Variants in CD164 observed in about 807,000 individuals in gnomAD.
CD164 encodes sialomucin core protein 24.
Under a neutral mutation model 24.6 loss-of-function variants are expected in CD164, and 11 were observed. The ratio of observed to expected loss-of-function variants is 0.45; its 90% CI spans 0.28 to 0.74. The LOEUF (loss-of-function observed/expected upper bound fraction) is 0.74. Ranked by LOEUF, CD164 falls within the 30% of genes least tolerant of loss-of-function variation. The probability of loss-of-function intolerance (pLI) is 0.13; values close to 1 mark genes in which losing one functional copy is unlikely to be tolerated. For synonymous variants in CD164, 126 were observed against 100.3 expected (o/e 1.26, Z -1.53); for missense variants, 295 against 243.7 (o/e 1.21, Z -1.40).
intron 1 of CD164, chr6:109,381,789 G>A (rs1337161947): frequency 1.8e-6 from 1 of 566,624 alleles, no homozygotes; most frequent in South Asian, 2.1e-5. Context: ...ACAACCAGTG[G>A]CAGGGAGAGG....
In CD164 at chr6:109,370,425, G is replaced by A; in HGVS notation, c.413C>T (p.Thr138Ile). 2 of 1,612,874 alleles carry A rather than the reference G, an allele frequency of 1.2e-6. No individual in the cohort carries two copies. The highest frequency in any genetic ancestry group is 2.2e-5 in the South Asian group (2 of 91,030). ...GCCTCAATTACCTGATGTAGTAACT[G>A]TCTTGGAAGTTGTAGAAGGGGAGGG... Reference protein sequence around the residue: ...VQPSPSTTSKTVTTSGTTNNT... With the variant: ...VQPSPSTTSKIVTTSGTTNNT... The change falls in exon 5 of 6, where the codon ACA (threonine) becomes ATA (isoleucine). Residue 138 changes from threonine to isoleucine, a missense_variant. Thr to Ile is a moderately conservative substitution (Grantham distance 89). Transcript: ENST00000310786.
chr6:109,370,602 T>C (rs1771024560), intron 4 of CD164, 135 bp from the exon 5 acceptor site: 1 of 665,346 alleles, frequency 1.5e-6, no homozygotes. Context: ...AAATTTCAGT[T>C]AATGGTTCAC....
At chr6:109,380,985 T>C (rs1771704482) in intron 1 of CD164, among the ~76,000 whole-genome samples, 1 of 152,360 alleles carries the variant, frequency 6.6e-6, no homozygotes, top group East Asian at 1.9e-4. Context: ...AAGTTTACTA[T>C]ATACTTTATT....
At chr6:109,381,970 C>G in intron 1 of CD164, 2 of 379,060 alleles carry the variant, frequency 5.3e-6, no homozygotes, top group Middle Eastern at 7.0e-4. Context: ...AGGGGGGCCC[C>G]AGCCCCGCAG....
At chr6:109,371,764 G>A (rs1771085544) in intron 4 of CD164, 1 of 153,560 alleles carries the variant, frequency 6.5e-6, no homozygotes, top group Admixed American at 6.5e-5. Flanking sequence ...TTTGGAAAGT[G>A]CACTATAGGA....
At chr6:109,374,003 GACT>G (rs1334837129) in intron 4 of CD164, among the ~76,000 whole-genome samples, 1 of 152,190 alleles carries the variant, frequency 6.6e-6, no homozygotes, top group Non-Finnish European at 1.5e-5. Context: ...TACAGCATTT[GACT>G]ACTTCTTCCT....
intron 4 of CD164, among the ~76,000 whole-genome samples, chr6:109,374,455 T>A (rs1771281590): frequency 6.6e-6 from 1 of 152,162 alleles, no homozygotes; most frequent in South Asian, 2.1e-4. Flanking sequence ...CCTAAACTTA[T>A]TTGCAAACAT....
chr6:109,377,880 C>A lies in CD164; in HGVS notation c.331+20G>T. The A allele has an allele frequency of 1.3e-6, 2 of 1,599,726 alleles. No homozygotes were observed. The highest frequency in any genetic ancestry group is 1.7e-6 in the Non-Finnish European group (2 of 1,167,042). ...CACCTCTCTGCGGTCAGCTTCCAAG[C>A]AGCCAATATGAATACTTACCGGAAC... On this transcript the variant is annotated intron_variant, in intron 3 of 5. Coordinates refer to ENST00000310786, the MANE Select transcript of CD164 (RefSeq NM_006016.6).
intron 4 of CD164, 87 bp from the exon 5 acceptor site, chr6:109,370,554 A>T: frequency 8.4e-7 from 1 of 1,184,186 alleles, no homozygotes; most frequent in Non-Finnish European, 1.2e-6. Flanking sequence ...AATCCTGCCA[A>T]CTTCAACATG....
chr6:109,382,152 T>C (rs570357235), intron 1 of CD164, 52 bp downstream of exon 1: 3 of 1,403,802 alleles, frequency 2.1e-6, no homozygotes, highest in South Asian at 1.5e-5. Context: ...GAGGAGGCAG[T>C]GCGGCTCGGC....
chr6:109,380,573 G>A (rs902883643), intron 1 of CD164: 2 of 152,148 alleles, frequency 1.3e-5, no homozygotes, highest in African/African-American at 2.4e-5. Flanking sequence ...GGTTCATAAA[G>A]TAAAAATAAA....
intron 2 of CD164, among the ~76,000 whole-genome samples, chr6:109,378,899 C>A (rs1351023026): frequency 2.1e-5 from 3 of 144,926 alleles, no homozygotes; most frequent in Non-Finnish European, 4.6e-5. Context: ...AAAAAAAAAA[C>A]CGCCAAAACA....
intron 1 of CD164, chr6:109,381,601 A>G (rs1285230188): frequency 1.4e-6 from 1 of 702,488 alleles, no homozygotes; most frequent in Non-Finnish European, 2.6e-6. Flanking sequence ...AGTTTTCACT[A>G]ACTACGTGCT....
At chr6:109,375,909 C>G in intron 4 of CD164, 165 bp downstream of exon 4, 1 of 581,458 alleles carries the variant, frequency 1.7e-6, no homozygotes, top group African/African-American at 2.0e-5. Context: ...GTGTCACTGT[C>G]ACAAAAGGTA....
rs1213738016 is a variant in CD164, at chr6:109,367,188, CAATT to C, written c.*1659_*1662del. The C allele has an allele frequency of 6.6e-6, 1 of 152,470 alleles. No individual in the cohort carries two copies. Among genetic ancestry groups the C allele is most frequent in the East Asian group, 1.9e-4 (1 of 5,200 alleles). 9.4% of individuals were successfully genotyped at this position (152,470 alleles called of 1,614,324 possible). A position where few individuals can be genotyped will look rare whatever the true frequency, so the allele number is the denominator to read the frequency against. ...AAACTTTGAAGCCAGAGATTTTAAA[CAATT>C]AAGGCACTTGAAAACATTAAGTATA... On this transcript the variant is annotated 3_prime_UTR_variant, in exon 6 of 6. Coordinates refer to ENST00000310786, the MANE Select transcript of CD164 (RefSeq NM_006016.6).
chr6:109,370,325 A>G lies in CD164; in HGVS notation c.427+86T>C, dbSNP rs997478317. The G allele has an allele frequency of 4.5e-6, 5 of 1,103,894 alleles. No individual in the cohort carries two copies. The East Asian group carries it at 7.2e-5, about 16-fold the overall frequency. 68.4% of individuals were successfully genotyped at this position (1,103,894 alleles called of 1,614,324 possible). A position where few individuals can be genotyped will look rare whatever the true frequency, so the allele number is the denominator to read the frequency against. On this transcript the variant is annotated intron_variant, in intron 5 of 5. Coordinates refer to ENST00000310786, the MANE Select transcript of CD164 (RefSeq NM_006016.6). ...TTCAGTTCCATAACCATTAACGAAG[A>G]AAGCTGGAAAATGATGGCAGAAATT... is the stretch of plus-strand genomic sequence containing the variant.
chr6:109,369,943 A>G (rs886095218), intron 5 of CD164, among the ~76,000 whole-genome samples: 10 of 152,228 alleles, frequency 6.6e-5, no homozygotes, highest in Non-Finnish European at 1.0e-4. Context: ...ATAACAAGCT[A>G]ATTTTCACAT....
chr6:109,373,280 T>C (rs1010582843), intron 4 of CD164, among the ~76,000 whole-genome samples: 1 of 152,228 alleles, frequency 6.6e-6, no homozygotes, highest in Non-Finnish European at 1.5e-5. Context: ...GGCTATTCTA[T>C]TATTTGTACT....
At position 109,382,350 on chromosome 6, in the gene CD164, C is replaced by A; in HGVS notation, c.29G>T (p.Trp10Leu). Residue 10 changes from tryptophan (W) to leucine (L), a missense_variant, in exon 1 of 6, where the codon TGG becomes TTG. Transcript: ENST00000310786. MSRLSRSLLWAATCLGVLCV... is the reference protein window; with the variant it reads MSRLSRSLLLAATCLGVLCV... Reference sequence around the variant, plus strand: ...GAGCACGCCCAGGCAGGTGGCGGCCCAAAGCAGTGAGCGGGAGAGCCGCGA... The same window carrying A: ...GAGCACGCCCAGGCAGGTGGCGGCCAAAAGCAGTGAGCGGGAGAGCCGCGA... 1 of 1,559,834 alleles carries A rather than the reference C, an allele frequency of 6.4e-7. No homozygotes were observed. The highest frequency in any genetic ancestry group is 8.6e-7 in the Non-Finnish European group (1 of 1,158,552).
Sources: allele counts gnomAD v4.1 joint callset (sites outside exome capture counted in the v4.1 genomes callset), GRCh38; gene constraint gnomAD v4.1.1; transcripts MANE v1.5; gene names NCBI Gene and HGNC (gene_info 2026-07-23, HGNC 2026-07-21).